The following PDZRN4 variants were observed in gnomAD, a reference collection of about 807,000 sequenced individuals.
PDZRN4 encodes PDZ domain-containing RING finger protein 4.
A neutral mutation model predicts 99.0 loss-of-function variants in PDZRN4; 70 were observed. The observed-to-expected ratio is 0.71, with a 90% CI of 0.58 to 0.86. The LOEUF (loss-of-function observed/expected upper bound fraction) is 0.86, where lower values mean the gene tolerates loss of function less well. Among genes scored for constraint, PDZRN4 ranks in the 40% least tolerant of loss-of-function variants. The probability of loss-of-function intolerance (pLI) is 0.00; values close to 1 mark genes in which losing one functional copy is unlikely to be tolerated. For missense variants in PDZRN4, 1,474 were observed against 1,331.2 expected, an observed-to-expected ratio of 1.11 and a Z score of -1.67; for synonymous variants, 551 against 501.6, an observed-to-expected ratio of 1.10 and a Z score of -1.32.
At chr12:41,232,386 T>G (rs1227203810) in intron 3 of PDZRN4, among the ~76,000 whole-genome samples, 6 of 152,074 alleles carry the variant, frequency 3.9e-5, no homozygotes, top group Non-Finnish European at 8.8e-5. Context: ...AAAAATTCCT[T>G]TGCTATTTTT....
intron 3 of PDZRN4, among the ~76,000 whole-genome samples, chr12:41,348,442 A>T (rs1951869270): frequency 6.6e-6 from 1 of 152,150 alleles, no homozygotes; most frequent in Non-Finnish European, 1.5e-5. Flanking sequence ...GGTTGAATTA[A>T]GGCAGTGGCA....
intron 7 of PDZRN4, among the ~76,000 whole-genome samples, chr12:41,561,998 T>G (rs1250762028): frequency 6.6e-6 from 1 of 152,110 alleles, no homozygotes; most frequent in Non-Finnish European, 1.5e-5. Context: ...CCAGAGGTAT[T>G]TATGACAAAC....
intron 5 of PDZRN4, among the ~76,000 whole-genome samples, chr12:41,520,901 C>G (rs1456311240): frequency 6.6e-6 from 1 of 152,084 alleles, no homozygotes; most frequent in East Asian, 1.9e-4. Context: ...AGCTGATAAC[C>G]ACTTGGCTTG....
chr12:41,206,553 TTAA>T (rs1164521316), intron 3 of PDZRN4, among the ~76,000 whole-genome samples: 4 of 146,592 alleles, frequency 2.7e-5, no homozygotes, highest in Non-Finnish European at 4.4e-5. Flanking sequence ...AATTAATAAA[TTAA>T]TAATTTATTA....
intron 3 of PDZRN4, among the ~76,000 whole-genome samples, chr12:41,231,426 G>A (rs1951029202): frequency 6.6e-6 from 1 of 151,992 alleles, no homozygotes; most frequent in South Asian, 2.1e-4. Context: ...ACACATAACA[G>A]CAAAAACACT....
At chr12:41,291,974 A>C (rs1021271643) in intron 3 of PDZRN4, among the ~76,000 whole-genome samples, 1 of 152,180 alleles carries the variant, frequency 6.6e-6, no homozygotes, top group African/African-American at 2.4e-5. Context: ...GAAATATACT[A>C]GCATTGGGAA....
At chr12:41,488,127 C>T (rs533071619) in intron 3 of PDZRN4, among the ~76,000 whole-genome samples, 4 of 152,284 alleles carry the variant, frequency 2.6e-5, no homozygotes, top group Non-Finnish European at 5.9e-5. Context: ...TGTATCACTG[C>T]CTTTTAGCCG....
rs1592119545 is a variant in PDZRN4, at chr12:41,573,289, C to T, written c.2510C>T (p.Ser837Leu). 6.2e-7 allele frequency: 1 copy of T among 1,613,646 alleles called. No individual in the cohort carries two copies. Among genetic ancestry groups the T allele is most frequent in the Non-Finnish European group, 8.5e-7 (1 of 1,180,014 alleles). ...IPYLSPYHSS[S>L]YRYANIPAHA... ...TACCTCTCTCCTTACCACAGCTCCT[C>T]ATATAGATATGCAAACATCCCAGCA... Residue 837 changes from serine (S) to leucine (L), a missense_variant, in exon 10 of 10, where the codon TCA becomes TTA. Coordinates refer to ENST00000402685, the MANE Select transcript of PDZRN4 (RefSeq NM_001164595.2).
chr12:41,530,578 T>G (rs1231818883), intron 5 of PDZRN4, among the ~76,000 whole-genome samples: 3 of 152,226 alleles, frequency 2.0e-5, no homozygotes, highest in Non-Finnish European at 2.9e-5. Context: ...GCTGTGAACA[T>G]TCTTTTATGC....
rs574444202 is a variant in PDZRN4 at position 41,451,934 on chromosome 12, A to G, written c.844-54522A>G. Among the ~76,000 whole-genome samples, 105 of 152,314 alleles carry G rather than the reference A, an allele frequency of 6.9e-4. 1 individual carries two copies. Among genetic ancestry groups the G allele is most frequent in the African/African-American group, 1.9e-3 (81 of 41,568 alleles). On this transcript the variant is annotated intron_variant, in intron 3 of 9. Transcript: ENST00000402685. ...TTGAAGTTTGCTTTGGCAGCTTTGA[A>G]GTATTTGCAGCTTTCTGGCCAGTAT...
intron 5 of PDZRN4, among the ~76,000 whole-genome samples, chr12:41,515,660 A>G (rs1323736868): frequency 6.6e-6 from 1 of 152,156 alleles, no homozygotes; most frequent in South Asian, 2.1e-4. Context: ...AAGTGATCAT[A>G]TATCGGAGCT....
intron 3 of PDZRN4, among the ~76,000 whole-genome samples, chr12:41,374,189 G>A (rs1200319975): frequency 6.6e-6 from 1 of 151,098 alleles, no homozygotes; most frequent in South Asian, 2.1e-4. Context: ...TAACATGTGT[G>A]GGGTGGAGCT....
chr12:41,570,033 T>A (rs1382517818), intron 9 of PDZRN4, among the ~76,000 whole-genome samples: 1 of 152,090 alleles, frequency 6.6e-6, no homozygotes, highest in Non-Finnish European at 1.5e-5. Context: ...GATAGGAGGA[T>A]GTTGGAATAA....
chr12:41,284,047 T>C (rs1053709053), intron 3 of PDZRN4, among the ~76,000 whole-genome samples: 11 of 152,148 alleles, frequency 7.2e-5, no homozygotes, highest in Non-Finnish European at 1.6e-4. Flanking sequence ...GGTCTTCAAA[T>C]AGGAAGAGAG....
intron 5 of PDZRN4, among the ~76,000 whole-genome samples, chr12:41,530,512 T>C (rs1180722419): frequency 6.6e-6 from 1 of 152,188 alleles, no homozygotes; most frequent in Non-Finnish European, 1.5e-5. Flanking sequence ...AATGGTGCAG[T>C]TTATGTATTC....
At chr12:41,244,365 C>A (rs1381334597) in intron 3 of PDZRN4, among the ~76,000 whole-genome samples, 1 of 152,168 alleles carries the variant, frequency 6.6e-6, no homozygotes, top group African/African-American at 2.4e-5. Flanking sequence ...ATTCTCCATA[C>A]CACAACCAGA....
chr12:41,503,183 G>A (rs1435898326), intron 3 of PDZRN4, among the ~76,000 whole-genome samples: 1 of 152,124 alleles, frequency 6.6e-6, no homozygotes, highest in Non-Finnish European at 1.5e-5. Flanking sequence ...ATGTGTAGCA[G>A]TAGAGCATTT....
At position 41,231,046 on chromosome 12, in the gene PDZRN4, C is replaced by T. The variant is rs562780272; in HGVS notation, c.843+36858C>T. ...GAGTGTGTAGGTGTGTGTGTACACA[C>T]GTGCATGTGTGTTTTCAAAAAGAAA... On this transcript the variant is annotated intron_variant, in intron 3 of 9. Coordinates refer to ENST00000402685, the MANE Select transcript of PDZRN4 (RefSeq NM_001164595.2). Among the ~76,000 whole-genome samples, 41 of 152,112 alleles carry T rather than the reference C, an allele frequency of 2.7e-4. 1 individual carries two copies. The highest frequency in any genetic ancestry group is 9.2e-4 in the African/African-American group (38 of 41,530).
chr12:41,216,631 T>C (rs1950922920), intron 3 of PDZRN4, among the ~76,000 whole-genome samples: 2 of 152,062 alleles, frequency 1.3e-5, no homozygotes, highest in Admixed American at 6.6e-5. Context: ...TTACATCCTT[T>C]TTTGAATTGG....
Sources: gnomAD v4.1 joint callset for allele counts (sites outside exome capture counted in the v4.1 genomes callset) on GRCh38, gnomAD v4.1.1 for gene constraint, MANE v1.5 for transcripts, NCBI Gene and HGNC (gene_info 2026-07-23, HGNC 2026-07-21) for gene names.